Variants in LUZP2 observed in about 807,000 individuals in gnomAD.
The protein encoded by LUZP2 is leucine zipper protein 2.
In LUZP2, 52 loss-of-function variants were observed where a neutral mutation model predicts 51.6. The ratio of observed to expected loss-of-function variants is 1.01; its 90% CI spans 0.81 to 1.27. The LOEUF (loss-of-function observed/expected upper bound fraction) is 1.27, where lower values mean the gene tolerates loss of function less well. Ranked by LOEUF, LUZP2 falls within the 50% of genes most tolerant of loss-of-function variation. LUZP2 has a pLI of 0.00. For synonymous variants in LUZP2, 154 were observed against 137.3 expected (o/e 1.12, Z -0.85); for missense variants, 436 against 395.4 (o/e 1.10, Z -0.87).
rs2134063513 is a variant in LUZP2 at position 25,077,313 on chromosome 11, A to C, written c.859-16A>C. 1 of 1,597,548 alleles carries C rather than the reference A, an allele frequency of 6.3e-7. No individual in the cohort carries two copies. Among genetic ancestry groups the C allele is most frequent in the East Asian group, 2.2e-5 (1 of 44,554 alleles). On this transcript the variant is annotated splice_polypyrimidine_tract_variant and intron_variant, in intron 10 of 11. Transcript: ENST00000336930. The stretch of plus-strand genomic sequence containing the variant: ...CTTTAACTTCATTGATGTATTTTTA[A>C]TTGCTACTTTTGTAGGAGGGCAGAC...
intron 5 of LUZP2, among the ~76,000 whole-genome samples, chr11:24,769,922 A>G (rs1309830294): frequency 6.6e-6 from 1 of 152,062 alleles, no homozygotes; most frequent in Non-Finnish European, 1.5e-5. Flanking sequence ...CCTCCTAAGT[A>G]GCTAGGACTA....
intron 9 of LUZP2, among the ~76,000 whole-genome samples, chr11:25,042,460 T>C (rs111878610): frequency 9.2e-5 from 14 of 152,322 alleles, no homozygotes; most frequent in African/African-American, 3.1e-4. Flanking sequence ...TTAAATTATT[T>C]TGCCTTGCAT....
intron 9 of LUZP2, among the ~76,000 whole-genome samples, chr11:25,021,857 T>C (rs934389948): frequency 2.0e-5 from 3 of 152,068 alleles, no homozygotes; most frequent in Non-Finnish European, 4.4e-5. Flanking sequence ...ATGAAGCTAC[T>C]ACCCTCTAAT....
intron 7 of LUZP2, among the ~76,000 whole-genome samples, chr11:24,973,370 T>TTTTTG (rs1202739951): frequency 6.7e-6 from 1 of 148,432 alleles, no homozygotes; most frequent in Non-Finnish European, 1.5e-5. Context: ...ATTAGTTTTT[T>TTTTTG]TTTTTTTTTT....
intron 5 of LUZP2, among the ~76,000 whole-genome samples, chr11:24,841,107 T>G (rs1851014725): frequency 6.6e-6 from 1 of 151,986 alleles, no homozygotes; most frequent in African/African-American, 2.4e-5. Flanking sequence ...AATTCATATG[T>G]TAAAGCCCTA....
intron 1 of LUZP2, among the ~76,000 whole-genome samples, chr11:24,720,469 G>A (rs1026836847): frequency 6.6e-6 from 1 of 152,132 alleles, no homozygotes; most frequent in Non-Finnish European, 1.5e-5. Context: ...ATGTGAGATG[G>A]ATCAATGCAA....
intron 1 of LUZP2, among the ~76,000 whole-genome samples, chr11:24,648,930 C>T (rs1018458324): frequency 7.2e-5 from 11 of 151,908 alleles, no homozygotes; most frequent in African/African-American, 2.7e-4. Flanking sequence ...TAAATATTTT[C>T]TATCAAGCCA....
At chr11:24,554,005 T>C (rs983226295) in intron 1 of LUZP2, among the ~76,000 whole-genome samples, 1 of 152,158 alleles carries the variant, frequency 6.6e-6, no homozygotes, top group Non-Finnish European at 1.5e-5. Flanking sequence ...AAACGGACTT[T>C]CCTCCTGGCA....
chr11:25,013,866 A>G (rs1287924108), intron 9 of LUZP2, among the ~76,000 whole-genome samples: 1 of 152,100 alleles, frequency 6.6e-6, no homozygotes, highest in Non-Finnish European at 1.5e-5. Flanking sequence ...ATCATTTAAC[A>G]TTAGGTATAT....
intron 5 of LUZP2, among the ~76,000 whole-genome samples, chr11:24,875,137 A>G: frequency 6.6e-6 from 1 of 151,586 alleles, no homozygotes; most frequent in South Asian, 2.1e-4. Context: ...GTTTTAGGGT[A>G]CATGTGCACA....
intron 1 of LUZP2, among the ~76,000 whole-genome samples, chr11:24,574,039 G>A (rs553079768): frequency 6.6e-6 from 1 of 151,586 alleles, no homozygotes; most frequent in East Asian, 2.0e-4. Context: ...TGTGCTTGAG[G>A]TCTTTTATTT....
chr11:24,825,706 T>C (rs1161606301), intron 5 of LUZP2, among the ~76,000 whole-genome samples: 1 of 151,412 alleles, frequency 6.6e-6, no homozygotes, highest in South Asian at 2.1e-4. Context: ...AATATGATAG[T>C]TTTTTATTTA....
At chr11:25,053,351 G>A (rs1169242754) in intron 10 of LUZP2, among the ~76,000 whole-genome samples, 1 of 151,880 alleles carries the variant, frequency 6.6e-6, no homozygotes, top group Admixed American at 6.6e-5. Context: ...AATTAGAATG[G>A]GTGAAAGGCA....
chr11:24,789,613 T>C (rs1458787177), intron 5 of LUZP2, among the ~76,000 whole-genome samples: 1 of 152,184 alleles, frequency 6.6e-6, no homozygotes, highest in Non-Finnish European at 1.5e-5. Context: ...CAGGCTGCCA[T>C]AACAAAATGT....
At chr11:24,655,720 T>A (rs1590302484) in intron 1 of LUZP2, among the ~76,000 whole-genome samples, 1 of 152,334 alleles carries the variant, frequency 6.6e-6, no homozygotes, top group South Asian at 2.1e-4. Flanking sequence ...TGGAATTTAG[T>A]GACCAGCCTG....
chr11:24,741,484 G>A (rs1859139096), intron 4 of LUZP2, among the ~76,000 whole-genome samples: 1 of 151,808 alleles, frequency 6.6e-6, no homozygotes, highest in East Asian at 1.9e-4. Flanking sequence ...AAATTCTTTA[G>A]TGATTTGTGA....
chr11:25,049,258 T>C (rs1182386621), intron 9 of LUZP2, among the ~76,000 whole-genome samples: 1 of 152,150 alleles, frequency 6.6e-6, no homozygotes, highest in Non-Finnish European at 1.5e-5. Flanking sequence ...CATTTACTAG[T>C]TTATTTTGTG....
intron 1 of LUZP2, among the ~76,000 whole-genome samples, chr11:24,713,601 A>C (rs1857920881): frequency 6.6e-6 from 1 of 150,810 alleles, no homozygotes; most frequent in Admixed American, 6.6e-5. Flanking sequence ...GCACTTTGGG[A>C]GGCCAAAGTG....
At chr11:25,042,404 T>C (rs962173060) in intron 9 of LUZP2, among the ~76,000 whole-genome samples, 5 of 152,178 alleles carry the variant, frequency 3.3e-5, no homozygotes, top group Non-Finnish European at 7.3e-5. Context: ...TCAAACTTTT[T>C]ATCAGAAAAG....
Sources: allele counts gnomAD v4.1 joint callset (sites outside exome capture counted in the v4.1 genomes callset), GRCh38; gene constraint gnomAD v4.1.1; transcripts MANE v1.5; gene names NCBI Gene and HGNC (gene_info 2026-07-23, HGNC 2026-07-21).